The following GNAI1 variants were observed in gnomAD, a reference collection of about 807,000 sequenced individuals.
GNAI1 encodes guanine nucleotide-binding protein G(i) subunit alpha-1.
In GNAI1, 11 loss-of-function variants were observed where a neutral mutation model predicts 38.9. The ratio of observed to expected loss-of-function variants is 0.28; its 90% CI spans 0.18 to 0.47. GNAI1 has a LOEUF of 0.47. Ranked by LOEUF, GNAI1 falls within the 20% of genes least tolerant of loss-of-function variation. The pLI is 0.99. For synonymous variants in GNAI1, 166 were observed against 145.1 expected (o/e 1.14, Z -1.04); for missense variants, 317 against 436.9 (o/e 0.73, Z 2.45).
At chr7:80,146,888 C>T (rs1254290618) in intron 1 of GNAI1, among the ~76,000 whole-genome samples, 1 of 152,170 alleles carries the variant, frequency 6.6e-6, no homozygotes, top group African/African-American at 2.4e-5. Context: ...TGTACATGAA[C>T]ACACACATAT....
At chr7:80,167,155 C>G (rs190769216) in intron 1 of GNAI1, among the ~76,000 whole-genome samples, 32 of 152,208 alleles carry the variant, frequency 2.1e-4, no homozygotes, top group Non-Finnish European at 3.7e-4. Context: ...TTCAGCCTCA[C>G]AGCTAAGATA....
At chr7:80,156,854 G>T (rs1787827672) in intron 1 of GNAI1, among the ~76,000 whole-genome samples, 1 of 152,142 alleles carries the variant, frequency 6.6e-6, no homozygotes, top group South Asian at 2.1e-4. Context: ...AGGGTACAGA[G>T]CTTTCCCATA....
intron 1 of GNAI1, among the ~76,000 whole-genome samples, chr7:80,143,930 G>A (rs1459767396): frequency 6.6e-6 from 1 of 151,362 alleles, no homozygotes; most frequent in East Asian, 1.9e-4. Context: ...GTGCGCGCGT[G>A]TGTGTATCTA....
intron 1 of GNAI1, among the ~76,000 whole-genome samples, chr7:80,184,622 G>C (rs900054085): frequency 6.6e-6 from 1 of 152,194 alleles, no homozygotes; most frequent in Non-Finnish European, 1.5e-5. Context: ...CTGATCACCA[G>C]TTGCAGGTTT....
intron 3 of GNAI1, among the ~76,000 whole-genome samples, chr7:80,196,678 A>T (rs1788580578): frequency 6.6e-6 from 1 of 151,960 alleles, no homozygotes; most frequent in Non-Finnish European, 1.5e-5. Flanking sequence ...GATTAGGTAG[A>T]ATAATTTCAG....
chr7:80,179,651 TACCATATC>T (rs1467382465), intron 1 of GNAI1, among the ~76,000 whole-genome samples: 1 of 152,174 alleles, frequency 6.6e-6, no homozygotes, highest in African/African-American at 2.4e-5. Flanking sequence ...GCTAACAATT[TACCATATC>T]ACCATTTCAT....
In GNAI1 at chr7:80,223,649, G is replaced by A. The variant is rs1230315878; in HGVS notation, c.*6156G>A. Reference sequence around the variant, plus strand: ...ATCCCAGCAGCAAATTCATTAATATGGTTTGTATAGGACTCACTTTGCAGC... The same window carrying A: ...ATCCCAGCAGCAAATTCATTAATATAGTTTGTATAGGACTCACTTTGCAGC... On this transcript the variant is annotated 3_prime_UTR_variant, in exon 8 of 8. Transcript: ENST00000649796. 6.6e-6 allele frequency among the ~76,000 whole-genome samples: 1 copy of A among 152,078 alleles called. No individual in the cohort carries two copies. Among genetic ancestry groups the A allele is most frequent in the Non-Finnish European group, 1.5e-5 (1 of 68,012 alleles).
chr7:80,177,319 C>G (rs146870659), intron 1 of GNAI1, among the ~76,000 whole-genome samples: 1,814 of 152,184 alleles, frequency 0.012, 36 homozygotes, highest in African/African-American at 0.041. Flanking sequence ...CATGAGCCAC[C>G]GCGCCCGGCC....
intron 4 of GNAI1, among the ~76,000 whole-genome samples, chr7:80,200,337 A>AAAAAAAAAAAAAAAC: frequency 6.7e-6 from 1 of 150,054 alleles, no homozygotes; most frequent in East Asian, 2.0e-4. Context: ...AAAAAAAAAA[A>AAAAAAAAAAAAAAAC]AAAAAAAAAA....
chr7:80,139,338 A>G (rs912911027), intron 1 of GNAI1, among the ~76,000 whole-genome samples: 1 of 152,134 alleles, frequency 6.6e-6, no homozygotes, highest in Non-Finnish European at 1.5e-5. Context: ...TTCCTTGCTC[A>G]GAAACCTTTG....
chr7:80,209,318 C>G (rs370564521), intron 5 of GNAI1, among the ~76,000 whole-genome samples: 1 of 152,058 alleles, frequency 6.6e-6, no homozygotes, highest in African/African-American at 2.4e-5. Flanking sequence ...GCTAACAAGT[C>G]CGAAGTTTGT....
chr7:80,178,332 G>A (rs1788227943), intron 1 of GNAI1, among the ~76,000 whole-genome samples: 1 of 152,244 alleles, frequency 6.6e-6, no homozygotes, highest in Admixed American at 6.5e-5. Flanking sequence ...AGCAGTGGCA[G>A]GGTTTTAGAG....
At chr7:80,167,985 G>A (rs1788039872) in intron 1 of GNAI1, among the ~76,000 whole-genome samples, 1 of 152,196 alleles carries the variant, frequency 6.6e-6, no homozygotes, top group Non-Finnish European at 1.5e-5. Context: ...AAAGTACTCT[G>A]TTGATGGGAT....
chr7:80,155,219 G>A (rs768123069), intron 1 of GNAI1, among the ~76,000 whole-genome samples: 41 of 152,048 alleles, frequency 2.7e-4, no homozygotes, highest in Non-Finnish European at 5.0e-4. Flanking sequence ...CTTACATGAA[G>A]GAAGACAGAA....
At chr7:80,204,608 C>G (rs534657116) in intron 5 of GNAI1, among the ~76,000 whole-genome samples, 3 of 152,230 alleles carry the variant, frequency 2.0e-5, no homozygotes, top group East Asian at 1.9e-4. Context: ...CTTGTTTTAT[C>G]TATACAGCCT....
At chr7:80,147,374 T>TA (rs35187234) in intron 1 of GNAI1, among the ~76,000 whole-genome samples, 44,923 of 139,162 alleles carry the variant, frequency 0.32, 7,202 homozygotes, top group South Asian at 0.4. Context: ...GTATCCTTAT[T>TA]AAAAAAAAAA....
intron 1 of GNAI1, among the ~76,000 whole-genome samples, chr7:80,184,147 A>T (rs1000865527): frequency 6.6e-6 from 1 of 152,150 alleles, no homozygotes; most frequent in Non-Finnish European, 1.5e-5. Flanking sequence ...AGCAACCTCA[A>T]TTCTTACCTC....
rs1789035055 is a variant in GNAI1 at position 80,219,461 on chromosome 7, CTTCAT to C, written c.*1972_*1976del. Reference sequence around the variant, plus strand: ...GAATTTAAGTATCAGTCTGTTGTTTCTTCATTTCTTCTTTTTCTATGCTCTTTTTA... The same window carrying C: ...GAATTTAAGTATCAGTCTGTTGTTTCTTCTTCTTTTTCTATGCTCTTTTTA... On this transcript the variant is annotated 3_prime_UTR_variant, in exon 8 of 8. Transcript: ENST00000649796. 1 of 152,448 alleles carries C rather than the reference CTTCAT, an allele frequency of 6.6e-6. No homozygotes were observed. Among genetic ancestry groups the C allele is most frequent in the Non-Finnish European group, 1.5e-5 (1 of 68,000 alleles). 9.4% of individuals were successfully genotyped at this position (152,448 alleles called of 1,614,324 possible). A position where few individuals can be genotyped will look rare whatever the true frequency, so the allele number is the denominator to read the frequency against.
At chr7:80,201,499 G>A (rs141216588) in intron 4 of GNAI1, among the ~76,000 whole-genome samples, 1,758 of 152,124 alleles carry the variant, frequency 0.012, 39 homozygotes, top group African/African-American at 0.039. Flanking sequence ...TGAGAGGATC[G>A]CTTGAGCCCA....
Sources: allele counts gnomAD v4.1 joint callset (sites outside exome capture counted in the v4.1 genomes callset), GRCh38; gene constraint gnomAD v4.1.1; transcripts MANE v1.5; gene names NCBI Gene and HGNC (gene_info 2026-07-23, HGNC 2026-07-21).